Variants in PTPRT observed in about 807,000 individuals in gnomAD.
The protein encoded by PTPRT is receptor-type tyrosine-protein phosphatase T.
In PTPRT, 56 loss-of-function variants were observed where a neutral mutation model predicts 176.8. That is an observed-to-expected ratio of 0.32 (90% CI 0.26 to 0.40). PTPRT has a LOEUF of 0.40. PTPRT is among the 10% of genes least tolerant of loss of function. PTPRT has a pLI of 1.00. For synonymous variants in PTPRT, 783 were observed against 739.0 expected, an observed-to-expected ratio of 1.06 and a Z score of -0.96; for missense variants, 1,540 against 1,908.2, an observed-to-expected ratio of 0.81 and a Z score of 3.60.
At chr20:42,352,676 C>A (rs902048185) in intron 9 of PTPRT, among the ~76,000 whole-genome samples, 1 of 152,000 alleles carries the variant, frequency 6.6e-6, no homozygotes, top group Non-Finnish European at 1.5e-5. Context: ...GGTCTATGGT[C>A]AAAAATAATT....
intron 11 of PTPRT, among the ~76,000 whole-genome samples, chr20:42,323,202 C>A (rs562447145): frequency 1.4e-4 from 21 of 152,286 alleles, no homozygotes; most frequent in Admixed American, 1.2e-3. Flanking sequence ...GTCACTGTGG[C>A]GATTCCTCAG....
At chr20:42,653,963 C>T (rs2075077433) in intron 7 of PTPRT, among the ~76,000 whole-genome samples, 1 of 152,112 alleles carries the variant, frequency 6.6e-6, no homozygotes, top group African/African-American at 2.4e-5. Context: ...TATTGCTTTT[C>T]CAGGCCGTAA....
At chr20:42,368,122 T>G (rs1156569661) in intron 9 of PTPRT, among the ~76,000 whole-genome samples, 1 of 152,116 alleles carries the variant, frequency 6.6e-6, no homozygotes. Flanking sequence ...AGACCTTTCC[T>G]TCTGGTTCAG....
At chr20:42,682,691 C>G (rs2075623418) in intron 6 of PTPRT, among the ~76,000 whole-genome samples, 1 of 152,198 alleles carries the variant, frequency 6.6e-6, no homozygotes, top group South Asian at 2.1e-4. Flanking sequence ...CATCAAAGCG[C>G]TGCGAGGACA....
At position 42,115,225 on chromosome 20, in the gene PTPRT, C is replaced by T. The variant is rs758531464; in HGVS notation, c.3073G>A (p.Val1025Ile). ...LIETEPLAEYVIRTFTVQKKG... is the reference protein window; with the variant it reads ...LIETEPLAEYIIRTFTVQKKG... ...TTCTGGACTGTGAAGGTGCGTATGA[C>T]GTATTCTGCCAGGGGCTCTGTTTCA... is the stretch of plus-strand genomic sequence containing the variant. Residue 1025 changes from valine to isoleucine, a missense_variant, in exon 22 of 31, where the codon GTC becomes ATC. Coordinates refer to ENST00000373187, the MANE Select transcript of PTPRT (RefSeq NM_007050.6). 1.9e-5 allele frequency: 31 copies of T among 1,613,918 alleles called. No individual in the cohort carries two copies. Among genetic ancestry groups the T allele is most frequent in the Middle Eastern group, 1.6e-4 (1 of 6,084 alleles).
chr20:43,129,794 A>T, intron 1 of PTPRT, among the ~76,000 whole-genome samples: 1 of 150,044 alleles, frequency 6.7e-6, no homozygotes, highest in African/African-American at 2.5e-5. Flanking sequence ...AATTTTTTGT[A>T]TTTTTAGTAG....
At chr20:42,933,622 C>A (rs984482740) in intron 1 of PTPRT, among the ~76,000 whole-genome samples, 2 of 152,206 alleles carry the variant, frequency 1.3e-5, no homozygotes, top group Admixed American at 6.5e-5. Flanking sequence ...AAATGACAGA[C>A]AAGATGTCTC....
intron 9 of PTPRT, among the ~76,000 whole-genome samples, chr20:42,422,419 C>A (rs1431956026): frequency 6.6e-6 from 1 of 152,134 alleles, no homozygotes; most frequent in Non-Finnish European, 1.5e-5. Flanking sequence ...CAAAAGAAGA[C>A]AACAGGCGGC....
At chr20:42,424,859 C>G (rs542731283) in intron 9 of PTPRT, among the ~76,000 whole-genome samples, 4 of 149,864 alleles carry the variant, frequency 2.7e-5, no homozygotes, top group African/African-American at 9.9e-5. Flanking sequence ...GGAGATGGTT[C>G]CAGTAAGAAT....
chr20:42,494,784 G>A (rs1396235527), intron 7 of PTPRT, among the ~76,000 whole-genome samples: 1 of 152,020 alleles, frequency 6.6e-6, no homozygotes, highest in Non-Finnish European at 1.5e-5. Flanking sequence ...CAAATATTTG[G>A]ACAGATGAAT....
intron 7 of PTPRT, among the ~76,000 whole-genome samples, chr20:42,487,777 G>C (rs891312757): frequency 1.3e-5 from 2 of 152,168 alleles, no homozygotes; most frequent in African/African-American, 4.8e-5. Context: ...ATAAATCAGT[G>C]TTAACTGCTA....
intron 11 of PTPRT, among the ~76,000 whole-genome samples, chr20:42,324,874 G>A (rs1247144573): frequency 1.3e-5 from 2 of 152,174 alleles, no homozygotes; most frequent in Non-Finnish European, 2.9e-5. Flanking sequence ...AAGAAAATGG[G>A]AGGAGGTGTA....
intron 18 of PTPRT, among the ~76,000 whole-genome samples, chr20:42,131,706 T>C (rs1988130384): frequency 6.6e-6 from 1 of 152,196 alleles, no homozygotes; most frequent in Admixed American, 6.5e-5. Flanking sequence ...CTATCAAATG[T>C]GATACTCATG....
At chr20:43,099,692 C>T (rs2012312721) in intron 1 of PTPRT, among the ~76,000 whole-genome samples, 1 of 152,182 alleles carries the variant, frequency 6.6e-6, no homozygotes, top group Non-Finnish European at 1.5e-5. Flanking sequence ...TCCTCATCTC[C>T]ATTCTTGTGC....
chr20:43,084,463 C>CA (rs2011550217), intron 1 of PTPRT, among the ~76,000 whole-genome samples: 1 of 152,114 alleles, frequency 6.6e-6, no homozygotes, highest in South Asian at 2.1e-4. Context: ...GGGAAACTGC[C>CA]AAACACTTTT....
rs1275427533 is a variant in PTPRT at position 42,619,719 on chromosome 20, C to A, written c.1153+58147G>T. ...TCTTTCATTGCTGATGCCCTTTCTT[C>A]CAGTTGATCACATCGGCTCCTGAGG... On this transcript the variant is annotated intron_variant, in intron 7 of 30. Transcript: ENST00000373187. Among the ~76,000 whole-genome samples the A allele has an allele frequency of 2.9e-5, 4 of 135,998 alleles. 1 individual carries two copies. The highest frequency in any genetic ancestry group is 1.4e-4 in the African/African-American group (4 of 29,454). 89.2% of individuals were successfully genotyped at this position (135,998 alleles called of 152,430 possible). A position where few individuals can be genotyped will look rare whatever the true frequency, so the allele number is the denominator to read the frequency against.
At chr20:42,603,358 AGGGGT>A (rs1345148153) in intron 7 of PTPRT, among the ~76,000 whole-genome samples, 5 of 151,488 alleles carry the variant, frequency 3.3e-5, no homozygotes, top group Admixed American at 3.3e-4. Context: ...CCAGGGGGCT[AGGGGT>A]GGGGTGGAGA....
chr20:42,832,253 G>A (rs2078102232), intron 2 of PTPRT, among the ~76,000 whole-genome samples: 2 of 152,270 alleles, frequency 1.3e-5, no homozygotes, highest in South Asian at 2.1e-4. Context: ...GCAAACTAAT[G>A]CAGAAACAGA....
At chr20:43,019,636 A>AGAATAATTG (rs1227768259) in intron 1 of PTPRT, among the ~76,000 whole-genome samples, 12 of 150,758 alleles carry the variant, frequency 8.0e-5, no homozygotes, top group African/African-American at 2.5e-4. Context: ...AAAAAAAAAA[A>AGAATAATTG]GAATAATTGG....
Sources: allele counts gnomAD v4.1 joint callset (sites outside exome capture counted in the v4.1 genomes callset), GRCh38; gene constraint gnomAD v4.1.1; transcripts MANE v1.5; gene names NCBI Gene and HGNC (gene_info 2026-07-23, HGNC 2026-07-21).